TFG: variants seen among roughly 807,000 people sequenced by gnomAD.
TFG encodes the protein trafficking from ER to golgi regulator.
Under a neutral mutation model 51.4 loss-of-function variants are expected in TFG, and 22 were observed. That is an observed-to-expected ratio of 0.43 (90% CI 0.31 to 0.61). The LOEUF (loss-of-function observed/expected upper bound fraction) is 0.61, where lower values mean the gene tolerates loss of function less well. Among genes scored for constraint, TFG ranks in the 20% least tolerant of loss-of-function variants. TFG has a pLI of 0.12. For missense variants in TFG, 419 were observed against 487.7 expected, an observed-to-expected ratio of 0.86 and a Z score of 1.33; for synonymous variants, 187 against 165.6, an observed-to-expected ratio of 1.13 and a Z score of -0.99.
chr3:100,735,389 C>G (rs762052285), intron 5 of TFG, among the ~76,000 whole-genome samples: 16 of 152,174 alleles, frequency 1.1e-4, no homozygotes, highest in Non-Finnish European at 1.9e-4. Context: ...GTAGTAGTCA[C>G]TTTTATAAGC....
At chr3:100,726,443 A>G (rs913629201) in intron 3 of TFG, among the ~76,000 whole-genome samples, 4 of 152,178 alleles carry the variant, frequency 2.6e-5, no homozygotes, top group Non-Finnish European at 5.9e-5. Flanking sequence ...ACAGTACTTT[A>G]CCAGCCATCT....
chr3:100,722,482 A>G (rs1206349821), intron 3 of TFG, among the ~76,000 whole-genome samples: 1 of 152,208 alleles, frequency 6.6e-6, no homozygotes, highest in Admixed American at 6.5e-5. Context: ...GACTAAAGAA[A>G]TTTTCAGAGT....
intron 4 of TFG, among the ~76,000 whole-genome samples, chr3:100,731,144 A>G (rs1248054036): frequency 6.6e-6 from 1 of 152,216 alleles, no homozygotes; most frequent in Non-Finnish European, 1.5e-5. Flanking sequence ...TGTATTGATT[A>G]CAGGGGTGAT....
At chr3:100,745,768 C>T (rs890570966) in intron 7 of TFG, among the ~76,000 whole-genome samples, 9 of 152,146 alleles carry the variant, frequency 5.9e-5, no homozygotes, top group African/African-American at 2.2e-4. Context: ...TAAAGTATAG[C>T]CCACAGGCCA....
At chr3:100,740,757 G>A (rs1417433721) in intron 6 of TFG, among the ~76,000 whole-genome samples, 1 of 151,996 alleles carries the variant, frequency 6.6e-6, no homozygotes, top group Non-Finnish European at 1.5e-5. Context: ...ATTACTCTTT[G>A]CTTCATCCTG....
intron 5 of TFG, among the ~76,000 whole-genome samples, chr3:100,733,622 T>G (rs547350616): frequency 1.3e-5 from 2 of 152,054 alleles, no homozygotes; most frequent in East Asian, 3.9e-4. Flanking sequence ...CCACACACAC[T>G]CCCCCCAACT....
At chr3:100,729,072 A>G (rs1559714183) in intron 4 of TFG, among the ~76,000 whole-genome samples, 2 of 152,198 alleles carry the variant, frequency 1.3e-5, no homozygotes, top group South Asian at 4.1e-4. Flanking sequence ...GGATCTCATC[A>G]TAGACCTACT....
intron 1 of TFG, chr3:100,710,921 GTTTTGTTGCACACTTACTTTTGAGATAC>G (rs1400490053): frequency 6.6e-6 from 1 of 152,206 alleles, no homozygotes; most frequent in Non-Finnish European, 1.5e-5. Context: ...TGAAGGGAAA[GTTTTGTTGCACACTTACTTTTGAGATAC>G]TTTTGTGTTT....
Position 100,748,389 on chromosome 3 carries a change from C to G in TFG, c.1061C>G (p.Pro354Arg). 6.2e-7 allele frequency: 1 copy of G among 1,614,162 alleles called. No homozygotes were observed. Among genetic ancestry groups the G allele is most frequent in the South Asian group, 1.1e-5 (1 of 91,084 alleles). ...CAACCTGGAATGGCTCCAAGCCAAC[C>G]TGGGGCCTATCAACCAAGACCAGGT... ...ASQPGMAPSQPGAYQPRPGFT... is the reference protein window; with the variant it reads ...ASQPGMAPSQRGAYQPRPGFT... Residue 354 changes from proline to arginine, a missense_variant, in exon 8 of 8, where the codon CCT becomes CGT. Pro to Arg is a moderately radical substitution (Grantham distance 103). Coordinates refer to ENST00000240851, the MANE Select transcript of TFG (RefSeq NM_006070.6).
chr3:100,727,273 TG>T (rs1179518132), intron 3 of TFG, among the ~76,000 whole-genome samples: 3 of 152,180 alleles, frequency 2.0e-5, no homozygotes, highest in Non-Finnish European at 4.4e-5. Flanking sequence ...CATCAAATAT[TG>T]GAGAAAAAAC....
Position 100,732,496 on chromosome 3 carries a change from C to T in TFG, c.416-12C>T. On this transcript the variant is annotated splice_polypyrimidine_tract_variant and intron_variant, in intron 4 of 7. Transcript: ENST00000240851. ...AGGAAACAAGTTTTTGTTTATTCCTCTATTTTTACAGATACTGTGGATGGT... is the reference window on the plus strand; with the variant it reads ...AGGAAACAAGTTTTTGTTTATTCCTTTATTTTTACAGATACTGTGGATGGT... 1 of 1,590,244 alleles carries T rather than the reference C, an allele frequency of 6.3e-7. No individual in the cohort carries two copies. The highest frequency in any genetic ancestry group is 8.5e-7 in the Non-Finnish European group (1 of 1,172,406).
intron 3 of TFG, among the ~76,000 whole-genome samples, chr3:100,725,941 G>A (rs2095074509): frequency 6.6e-6 from 1 of 152,202 alleles, no homozygotes; most frequent in Non-Finnish European, 1.5e-5. Context: ...GTTCTCCAGA[G>A]GGATGGAACC....
In TFG at chr3:100,748,195, G is replaced by A. The variant is rs1340191664; in HGVS notation, c.867G>A (p.Gln289=). The change falls in exon 8 of 8, where the codon CAG becomes CAA. Residue 289 remains glutamine, a synonymous_variant. Coordinates refer to ENST00000240851, the MANE Select transcript of TFG (RefSeq NM_006070.6). ...GACCTCAACAACCTCAGCAGTTCCA[G>A]GGATATGGCCAGCAACCAACTTCCC... The part of the protein sequence containing the change: ...QTGPQQPQQF[Q]GYGQQPTSQA... 5 of 1,614,052 alleles carry A rather than the reference G, an allele frequency of 3.1e-6. No homozygotes were observed. The highest frequency in any genetic ancestry group is 4.2e-6 in the Non-Finnish European group (5 of 1,179,964).
rs2095156669 is a variant in TFG, at chr3:100,748,499, G to A, written c.1171G>A (p.Gly391Ser). The change falls in exon 8 of 8, where the codon GGC (glycine) becomes AGC (serine). Residue 391 changes from glycine (G) to serine (S), a missense_variant. Physicochemically the swap from Gly to Ser is moderately conservative, Grantham distance 56 (BLOSUM62 0). Transcript: ENST00000240851. The stretch of plus-strand genomic sequence containing the variant: ...GCGTAACCGTCCTCCCTTTGGTCAG[G>A]GCTATACCCAACCTGGACCTGGTTA... Reference protein sequence around the residue: ...YARNRPPFGQGYTQPGPGYR With the variant: ...YARNRPPFGQSYTQPGPGYR 6.2e-7 allele frequency: 1 copy of A among 1,613,506 alleles called. No individual in the cohort carries two copies.
chr3:100,742,387 T>G (rs1276887403), intron 6 of TFG: 1 of 152,140 alleles, frequency 6.6e-6, no homozygotes, highest in African/African-American at 2.4e-5. Flanking sequence ...AAAACAAATG[T>G]GAGTTATAGA....
At chr3:100,725,603 T>C (rs1221021219) in intron 3 of TFG, among the ~76,000 whole-genome samples, 2 of 117,916 alleles carry the variant, frequency 1.7e-5, no homozygotes, top group African/African-American at 3.3e-5. Context: ...ATGGCGAAAC[T>C]CCGTCTCTAC....
chr3:100,731,232 A>G (rs1017599380), intron 4 of TFG, among the ~76,000 whole-genome samples: 2 of 152,196 alleles, frequency 1.3e-5, no homozygotes, highest in Non-Finnish European at 1.5e-5. Flanking sequence ...ATGGTTAGCA[A>G]CAGTCTTTTT....
At position 100,713,635 on chromosome 3, in the gene TFG, T is replaced by G; in HGVS notation, c.-43-8T>G. ...TTGTTGTTTAATTATCAAAACCACT[T>G]TTATCAGTCTTTCTCTAGAGTTGTA... On this transcript the variant is annotated splice_region_variant and splice_polypyrimidine_tract_variant and intron_variant, in intron 1 of 7. Coordinates refer to ENST00000240851, the MANE Select transcript of TFG (RefSeq NM_006070.6). 7.5e-7 allele frequency: 1 copy of G among 1,329,248 alleles called. No individual in the cohort carries two copies. The allele number at this position is 1,329,248 out of a possible 1,614,324, so 82.3% of individuals were successfully genotyped here.
intron 4 of TFG, among the ~76,000 whole-genome samples, chr3:100,731,546 C>T (rs1252691308): frequency 2.0e-5 from 3 of 152,160 alleles, no homozygotes; most frequent in Non-Finnish European, 4.4e-5. Flanking sequence ...CCAGTTTCAA[C>T]AGTTACCAAC....
Sources: gnomAD v4.1 joint callset for allele counts (sites outside exome capture counted in the v4.1 genomes callset) on GRCh38, gnomAD v4.1.1 for gene constraint, MANE v1.5 for transcripts, NCBI Gene and HGNC (gene_info 2026-07-23, HGNC 2026-07-21) for gene names.